PCDHGA4: variants seen among roughly 807,000 people sequenced by gnomAD.
The protein encoded by PCDHGA4 is protocadherin gamma subfamily A, 4.
Under a neutral mutation model 54.6 loss-of-function variants are expected in PCDHGA4, and 38 were observed. That is an observed-to-expected ratio of 0.70 (90% CI 0.54 to 0.91). The LOEUF is 0.91. PCDHGA4 is among the 40% of genes least tolerant of loss of function. The pLI is 0.00. For missense variants in PCDHGA4, 1,298 were observed against 1,220.9 expected (o/e 1.06, Z -0.94); for synonymous variants, 511 against 512.9 (o/e 1.00, Z 0.05).
chr5:141,361,540 G>C, intron 1 of PCDHGA4: 2 of 1,614,018 alleles, frequency 1.2e-6, no homozygotes, highest in South Asian at 1.1e-5. Context: ...TCCTCCTGGC[G>C]CCTCTATCGC....
Position 141,432,123 on chromosome 5 carries a change from C to G in PCDHGA4, c.2515-62684C>G, listed in dbSNP as rs1224794803. On this transcript the variant is annotated intron_variant, in intron 1 of 3. Transcript: ENST00000571252. This position sits in a 1 kb window ranked among gnomAD's most constrained non-coding sequence, Gnocchi z 6.0. ...GACAACCCGCCGGTCTTCCCTCAGG[C>G]CTCCTATTCCGCTTATATCCCAGAG... 1 of 1,614,172 alleles carries G rather than the reference C, an allele frequency of 6.2e-7. No homozygotes were observed. Among genetic ancestry groups the G allele is most frequent in the Admixed American group, 1.7e-5 (1 of 60,022 alleles).
chr5:141,413,256 A>G (rs1255086187), intron 1 of PCDHGA4: 2 of 1,613,946 alleles, frequency 1.2e-6, no homozygotes, highest in Admixed American at 1.7e-5. Context: ...TCGGGATTCC[A>G]TGGGAGGCTG....
chr5:141,426,898 C>G (rs1246109323), intron 1 of PCDHGA4: 3 of 456,634 alleles, frequency 6.6e-6, no homozygotes, highest in Admixed American at 4.7e-5. Context: ...CAACAGAGCT[C>G]TCATCTCCTG....
Position 141,366,401 on chromosome 5 carries a change from C to T in PCDHGA4, c.2514+8780C>T, listed in dbSNP as rs770890042. On this transcript the variant is annotated intron_variant, in intron 1 of 3. Transcript: ENST00000571252. ...TGACCCTGAGGATCTGGACCTCACA[C>T]TCTATCTTGTGGTGGCAGTGGCTGC... The T allele has an allele frequency of 1.4e-5, 22 of 1,614,202 alleles. No individual in the cohort carries two copies. In the East Asian group the frequency reaches 4.5e-4, roughly 33 times the overall value.
chr5:141,387,732 C>T (rs940812767), intron 1 of PCDHGA4: 5 of 1,279,332 alleles, frequency 3.9e-6, no homozygotes, highest in Non-Finnish European at 5.3e-6. Context: ...CAGCGCCAGC[C>T]TTTACACCGC....
intron 1 of PCDHGA4, among the ~76,000 whole-genome samples, chr5:141,400,846 A>G (rs1273650139): frequency 6.6e-6 from 1 of 152,190 alleles, no homozygotes; most frequent in Non-Finnish European, 1.5e-5. Context: ...ACATGTTTAT[A>G]TTTTATTGTA....
chr5:141,413,711 A>G (rs752076648), intron 1 of PCDHGA4: 199 of 1,613,564 alleles, frequency 1.2e-4, no homozygotes, highest in Non-Finnish European at 1.4e-4. Context: ...CTCAGCCCCA[A>G]TAAGCACTTC....
rs372588190 is a variant in PCDHGA4, at chr5:141,357,615, T to C, written c.2508T>C (p.Asn836=). 222 of 1,613,730 alleles carry C rather than the reference T, an allele frequency of 1.4e-4. No individual in the cohort carries two copies. Among genetic ancestry groups the C allele is most frequent in the Admixed American group, 5.5e-4 (33 of 60,006 alleles). ...QDLLETKGDP[N]LQQAPPNTDW... is the part of the protein sequence containing the mutation. ...TACTTGAAACAAAAGGAGACCCTAA[T>C]CTTCAGGTGAGTCAATCTTATAATA... The change falls in exon 1 of 4, where the codon AAT becomes AAC. Residue 836 remains asparagine (N), a synonymous_variant. Coordinates refer to ENST00000571252, the MANE Select transcript of PCDHGA4 (RefSeq NM_018917.4).
chr5:141,417,507 A>G (rs573832786), intron 1 of PCDHGA4: 1 of 234,942 alleles, frequency 4.3e-6, no homozygotes, highest in Non-Finnish European at 8.1e-6. Context: ...AAAGATTAAA[A>G]TATTTTGGCT....
chr5:141,370,936 T>C (rs1410454711), intron 1 of PCDHGA4: 1 of 1,613,960 alleles, frequency 6.2e-7, no homozygotes, highest in South Asian at 1.1e-5. Flanking sequence ...TTCTCTTTGA[T>C]TCAGAAGGAG....
chr5:141,421,787 C>A (rs753196648), intron 1 of PCDHGA4: 1 of 1,613,812 alleles, frequency 6.2e-7, no homozygotes, highest in East Asian at 2.2e-5. Flanking sequence ...CGGGGCAGAA[C>A]GGATGGGGCC....
chr5:141,510,582 A>G (rs1156375287), intron 3 of PCDHGA4, among the ~76,000 whole-genome samples: 2 of 152,166 alleles, frequency 1.3e-5, no homozygotes, highest in Non-Finnish European at 2.9e-5. Context: ...TATTTTACGT[A>G]CCTGACATAC....
At chr5:141,384,149 T>A in intron 1 of PCDHGA4, 1 of 1,613,370 alleles carries the variant, frequency 6.2e-7, no homozygotes, top group Non-Finnish European at 8.5e-7. Flanking sequence ...ACACTCTCTT[T>A]GTATAACATC....
chr5:141,400,319 C>G (rs762588918), intron 1 of PCDHGA4: 1 of 1,613,974 alleles, frequency 6.2e-7, no homozygotes, highest in African/African-American at 1.3e-5. Context: ...TGTGTCAAGT[C>G]TGGACCTGTG....
intron 1 of PCDHGA4, among the ~76,000 whole-genome samples, chr5:141,437,550 A>T (rs866913156): frequency 6.6e-6 from 1 of 152,192 alleles, no homozygotes; most frequent in African/African-American, 2.4e-5. Context: ...AGTTTTCTTT[A>T]TGACATGTAA....
rs530194567 is a variant in PCDHGA4, at chr5:141,417,884, C to G, written c.2514+60263C>G. On this transcript the variant is annotated intron_variant, in intron 1 of 3. Transcript: ENST00000571252. ...GATGGGAGGGAGCTGCGCGCAGAGG[C>G]GCCGGGCCGGCCCGCGGCAGGTACT... 2.1e-4 allele frequency: 327 copies of G among 1,561,600 alleles called. No individual in the cohort carries two copies. In the South Asian group the frequency reaches 3.4e-3, roughly 16 times the overall value.
At chr5:141,438,136 A>C (rs2097931548) in intron 1 of PCDHGA4, among the ~76,000 whole-genome samples, 1 of 152,186 alleles carries the variant, frequency 6.6e-6, no homozygotes, top group Non-Finnish European at 1.5e-5. Flanking sequence ...TAATGGCAAA[A>C]GATAGCCAGC....
rs779686795 is a variant in PCDHGA4, at chr5:141,476,566, G to A, written c.2515-18241G>A. On this transcript the variant is annotated intron_variant, in intron 1 of 3. Coordinates refer to ENST00000571252, the MANE Select transcript of PCDHGA4 (RefSeq NM_018917.4). The surrounding 1 kb of genome is among the most constrained non-coding windows in gnomAD (Gnocchi z 7.6). ...TGGAGATTAGCGAGGCCGTGGCTCC[G>A]GGGACGCGCTTTCCGCTCGAGAGCG... The A allele has an allele frequency of 1.2e-6, 2 of 1,614,062 alleles. No homozygotes were observed. Among genetic ancestry groups the A allele is most frequent in the East Asian group, 2.2e-5 (1 of 44,872 alleles).
intron 1 of PCDHGA4, among the ~76,000 whole-genome samples, chr5:141,381,361 G>A (rs1050283609): frequency 6.6e-6 from 1 of 152,198 alleles, no homozygotes; most frequent in Admixed American, 6.5e-5. Context: ...CTAGCAGAGG[G>A]TAGCCTCGGA....
Sources: gnomAD v4.1 joint callset for allele counts (sites outside exome capture counted in the v4.1 genomes callset) on GRCh38, gnomAD v4.1.1 for gene constraint, Gnocchi (gnomAD v3.1) non-coding constraint, MANE v1.5 for transcripts, NCBI Gene and HGNC (gene_info 2026-07-23, HGNC 2026-07-21) for gene names.